The following RNF150 variants were observed in gnomAD, a reference collection of about 807,000 sequenced individuals.
The protein encoded by RNF150 is ring finger protein 150.
RNF150 carries 24 observed loss-of-function variants against 39.3 expected under a neutral mutation model. That is an observed-to-expected ratio of 0.61 (90% confidence interval 0.44 to 0.86). RNF150 has a LOEUF of 0.86. Among genes scored for constraint, RNF150 ranks in the 40% least tolerant of loss-of-function variants. The pLI is 0.00. For synonymous variants in RNF150, 255 were observed against 227.3 expected (o/e 1.12, Z -1.10); for missense variants, 502 against 587.8 (o/e 0.85, Z 1.51).
In RNF150 at chr4:141,014,093, C is replaced by G. The variant is rs149100285; in HGVS notation, c.485-46220G>C. ...ATAAGTAAGATCATATGGTATCTGT[C>G]TTTCCGTGCCTGGCTTATTTCACTT... On this transcript the variant is annotated intron_variant, in intron 1 of 6. Coordinates refer to ENST00000515673, the MANE Select transcript of RNF150 (RefSeq NM_020724.2). 2.3e-4 allele frequency among the ~76,000 whole-genome samples: 35 copies of G among 152,174 alleles called. No individual in the cohort carries two copies. In the East Asian group the frequency reaches 3.5e-3, roughly 15 times the overall value.
At chr4:140,942,173 A>C (rs550483061) in intron 4 of RNF150, among the ~76,000 whole-genome samples, 18 of 152,178 alleles carry the variant, frequency 1.2e-4, no homozygotes, top group African/African-American at 3.1e-4. Context: ...ACCAAAAAAA[A>C]CCAAAAAACA....
chr4:141,006,196 T>G (rs1274133867), intron 1 of RNF150, among the ~76,000 whole-genome samples: 2 of 151,352 alleles, frequency 1.3e-5, no homozygotes, highest in Non-Finnish European at 2.9e-5. Flanking sequence ...AGGAAGGAAA[T>G]TATATATATA....
At chr4:140,868,654 T>C (rs1203485795) in intron 6 of RNF150, among the ~76,000 whole-genome samples, 1 of 152,182 alleles carries the variant, frequency 6.6e-6, no homozygotes, top group Admixed American at 6.5e-5. Flanking sequence ...AGAAATTCTA[T>C]TTAGAAAAGT....
rs1728453845 is a variant in RNF150, at chr4:140,860,745, A to T, written c.*7516T>A. On this transcript the variant is annotated 3_prime_UTR_variant, in exon 7 of 7. Coordinates refer to ENST00000515673, the MANE Select transcript of RNF150 (RefSeq NM_020724.2). ...ATAATTGTAAATTCATTATTTGCAG[A>T]TTTTTTTCTAGTGGGAAATAATATG... The T allele has an allele frequency of 6.6e-6, 1 of 152,124 alleles. No homozygotes were observed. Among genetic ancestry groups the T allele is most frequent in the African/African-American group, 2.4e-5 (1 of 41,418 alleles). 9.4% of individuals were successfully genotyped at this position (152,124 alleles called of 1,614,324 possible).
chr4:141,075,706 A>G (rs1375162964), intron 1 of RNF150, among the ~76,000 whole-genome samples: 1 of 152,192 alleles, frequency 6.6e-6, no homozygotes, highest in African/African-American at 2.4e-5. Flanking sequence ...TAGTTTCTCA[A>G]AATATTTCCA....
upstream of RNF150, among the ~76,000 whole-genome samples, chr4:141,137,389 G>A (rs1727043044): frequency 1.3e-5 from 2 of 152,176 alleles, no homozygotes; most frequent in South Asian, 4.1e-4. Flanking sequence ...CAGGAAGGTG[G>A]CAATGAGCAT....
chr4:141,075,713 T>C (rs1313895512), intron 1 of RNF150, among the ~76,000 whole-genome samples: 1 of 152,218 alleles, frequency 6.6e-6, no homozygotes, highest in Non-Finnish European at 1.5e-5. Context: ...TCAAAATATT[T>C]CCATTTCTTG....
intron 1 of RNF150, among the ~76,000 whole-genome samples, chr4:141,096,701 T>C (rs1272571062): frequency 1.3e-5 from 2 of 152,224 alleles, no homozygotes; most frequent in Non-Finnish European, 2.9e-5. Flanking sequence ...AATTTAAGTT[T>C]ACTGTGATCA....
intron 1 of RNF150, among the ~76,000 whole-genome samples, chr4:141,157,180 T>G (rs759531554): frequency 6.6e-6 from 1 of 152,100 alleles, no homozygotes; most frequent in Non-Finnish European, 1.5e-5. Context: ...TGGTCATAGA[T>G]AGCTGCAGGA....
chr4:141,156,868 C>T (rs1440355271), intron 1 of RNF150, among the ~76,000 whole-genome samples: 2 of 151,826 alleles, frequency 1.3e-5, no homozygotes, highest in Non-Finnish European at 2.9e-5. Context: ...GATTGCACCA[C>T]AGCACTCCAG....
At chr4:141,028,297 C>T (rs967582412) in intron 1 of RNF150, among the ~76,000 whole-genome samples, 1 of 152,134 alleles carries the variant, frequency 6.6e-6, no homozygotes, top group Non-Finnish European at 1.5e-5. Context: ...CTTTGATATG[C>T]ATGGCCATAA....
In RNF150 at chr4:141,132,686, G is replaced by A. The variant is rs1474294141; in HGVS notation, c.123C>T (p.Thr41=). Residue 41 remains threonine (T), a synonymous_variant, in exon 1 of 7, where the codon ACC becomes ACT. Transcript: ENST00000515673. This position sits in a 1 kb window ranked among gnomAD's most constrained non-coding sequence, Gnocchi z 4.9. ...FTVAEKEEWY[T]AFVNITYAEP... The stretch of plus-strand genomic sequence containing the variant: ...CGGCGTAGGTGATGTTCACGAAGGC[G>A]GTGTACCATTCCTCCTTCTCGGCCA... 8 of 1,609,012 alleles carry A rather than the reference G, an allele frequency of 5.0e-6. 1 individual carries two copies. The Admixed American group carries it at 5.0e-5, about 10-fold the overall frequency.
chr4:141,012,179 A>C (rs1735097602), intron 1 of RNF150, among the ~76,000 whole-genome samples: 1 of 152,256 alleles, frequency 6.6e-6, no homozygotes, highest in Non-Finnish European at 1.5e-5. Flanking sequence ...AGCTTATGAA[A>C]GCTCCCAAGG....
At chr4:140,960,093 G>A (rs1047011171) in intron 2 of RNF150, among the ~76,000 whole-genome samples, 3 of 152,098 alleles carry the variant, frequency 2.0e-5, no homozygotes, top group South Asian at 2.1e-4. Context: ...ATTTAACATC[G>A]TCAAATCCAA....
intron 1 of RNF150, among the ~76,000 whole-genome samples, chr4:141,177,746 T>A (rs1727837401): frequency 6.6e-6 from 1 of 152,162 alleles, no homozygotes; most frequent in Non-Finnish European, 1.5e-5. Context: ...GCCCTGGTCC[T>A]TTATCATCTT....
chr4:141,010,004 G>A (rs1735017627), intron 1 of RNF150, among the ~76,000 whole-genome samples: 2 of 152,146 alleles, frequency 1.3e-5, no homozygotes, highest in Admixed American at 1.3e-4. Context: ...AATGTTACTT[G>A]ATGTGTTTGC....
chr4:140,916,243 C>T (rs1730822235), intron 5 of RNF150, among the ~76,000 whole-genome samples: 1 of 152,138 alleles, frequency 6.6e-6, no homozygotes, highest in African/African-American at 2.4e-5. Context: ...GATCAAACTA[C>T]TCTGAGCTAA....
intron 2 of RNF150, among the ~76,000 whole-genome samples, chr4:140,963,913 A>C (rs539145692): frequency 2.6e-4 from 40 of 152,200 alleles, no homozygotes; most frequent in African/African-American, 9.1e-4. Flanking sequence ...ACATGATAAA[A>C]TATATATCTC....
chr4:141,078,058 G>A (rs1367525084), intron 1 of RNF150, among the ~76,000 whole-genome samples: 1 of 152,064 alleles, frequency 6.6e-6, no homozygotes, highest in African/African-American at 2.4e-5. Flanking sequence ...AAACCTAAGA[G>A]TCCCAAGGGA....
Sources: gnomAD v4.1 joint callset for allele counts (sites outside exome capture counted in the v4.1 genomes callset) on GRCh38, gnomAD v4.1.1 for gene constraint, Gnocchi (gnomAD v3.1) non-coding constraint, MANE v1.5 for transcripts, NCBI Gene and HGNC (gene_info 2026-07-23, HGNC 2026-07-21) for gene names.